The following MGAT5 variants were observed in gnomAD, a reference collection of about 807,000 sequenced individuals.
MGAT5 encodes the protein alpha-1,6-mannosylglycoprotein 6-beta-N-acetylglucosaminyltransferase A.
MGAT5 carries 30 observed loss-of-function variants against 94.3 expected under a neutral mutation model. The ratio of observed to expected loss-of-function variants is 0.32; its 90% CI spans 0.24 to 0.43. The LOEUF is 0.43. Ranked by LOEUF, MGAT5 falls within the 20% of genes least tolerant of loss-of-function variation. MGAT5 has a pLI of 1.00. For missense variants in MGAT5, 691 were observed against 905.5 expected, an observed-to-expected ratio of 0.76 and a Z score of 3.04; for synonymous variants, 310 against 322.9, an observed-to-expected ratio of 0.96 and a Z score of 0.43.
chr2:134,436,349 C>T (rs1051854823), intron 14 of MGAT5, among the ~76,000 whole-genome samples: 18 of 152,112 alleles, frequency 1.2e-4, no homozygotes, highest in African/African-American at 4.1e-4. Context: ...GAAGTTCCTG[C>T]TGCTATTTTT....
Position 134,168,023 on chromosome 2 carries a change from G to A in MGAT5, c.-143+47732G>A, listed in dbSNP as rs76457695. Reference sequence around the variant, plus strand: ...CAAAGTAGCTATCAGCAAAATAACTGTCAGGTAGCATCAGGCACCACCTGC... The same window carrying A: ...CAAAGTAGCTATCAGCAAAATAACTATCAGGTAGCATCAGGCACCACCTGC... On this transcript the variant is annotated intron_variant, in intron 1 of 16. Coordinates refer to the MGAT5 transcript ENST00000409645. 1.8e-4 allele frequency among the ~76,000 whole-genome samples: 28 copies of A among 152,300 alleles called. No individual in the cohort carries two copies. In the East Asian group the frequency reaches 5.4e-3, roughly 29 times the overall value.
intron 10 of MGAT5, among the ~76,000 whole-genome samples, chr2:134,372,008 A>G (rs1264167584): frequency 6.6e-6 from 1 of 151,692 alleles, no homozygotes; most frequent in Non-Finnish European, 1.5e-5. Flanking sequence ...CAGCATCCAC[A>G]TGCCAGGGCC....
chr2:134,317,568 C>T lies in MGAT5; in HGVS notation c.446C>T (p.Pro149Leu). ...GCTCAAGAAAAATGTGTATTGCCTC[C>T]TATGGACGGCTACCCTCACTGTGAG... ...NGAQEKCVLP[P>L]MDGYPHCEGK... is the part of the protein sequence containing the mutation. Residue 149 changes from proline (P) to leucine (L), a missense_variant, in exon 3 of 16, where the codon CCT (proline) becomes CTT (leucine). Pro to Leu is a moderately conservative substitution (Grantham distance 98). This residue lies in a region of MGAT5 where 307 missense variants were observed against 335.4 expected (regional missense o/e 0.92). Transcript: ENST00000281923. The T allele has an allele frequency of 6.4e-7, 1 of 1,570,462 alleles. No individual in the cohort carries two copies. Among genetic ancestry groups the T allele is most frequent in the Non-Finnish European group, 8.6e-7 (1 of 1,160,120 alleles).
chr2:134,266,745 C>CTG (rs1683741712), intron 1 of MGAT5, among the ~76,000 whole-genome samples: 1 of 152,188 alleles, frequency 6.6e-6, no homozygotes, highest in Non-Finnish European at 1.5e-5. Flanking sequence ...GGCGTCATCT[C>CTG]TGTCATTGTG....
At chr2:134,178,124 GGAGT>G (rs1688566360) in intron 1 of MGAT5, among the ~76,000 whole-genome samples, 1 of 151,944 alleles carries the variant, frequency 6.6e-6, no homozygotes, top group African/African-American at 2.4e-5. Context: ...TGAGATTTTG[GGAGT>G]GAGTTTGGGA....
intron 1 of MGAT5, among the ~76,000 whole-genome samples, chr2:134,145,214 C>CTGTGTGTGTG (rs59065013): frequency 8.4e-4 from 121 of 143,854 alleles, no homozygotes; most frequent in African/African-American, 2.9e-3. Flanking sequence ...GTCTCTCTCT[C>CTGTGTGTGTG]TGTGTGTGTG....
chr2:134,138,912 G>A (rs1273318776), intron 1 of MGAT5, among the ~76,000 whole-genome samples: 1 of 152,166 alleles, frequency 6.6e-6, no homozygotes, highest in African/African-American at 2.4e-5. Flanking sequence ...TACTGATAAG[G>A]TACAGATTGG....
intron 2 of MGAT5, among the ~76,000 whole-genome samples, chr2:134,283,874 C>A (rs1278648649): frequency 1.3e-5 from 2 of 151,762 alleles, no homozygotes; most frequent in South Asian, 4.2e-4. Context: ...CTGCACTAGG[C>A]TCTCTGAGAA....
At chr2:134,378,383 C>G (rs1044814658) in intron 10 of MGAT5, among the ~76,000 whole-genome samples, 12 of 152,112 alleles carry the variant, frequency 7.9e-5, no homozygotes, top group African/African-American at 2.7e-4. Context: ...TTTACCTTCC[C>G]CAGGGTCAGA....
At chr2:134,123,225 G>A (rs1685697299) in intron 1 of MGAT5, among the ~76,000 whole-genome samples, 1 of 152,126 alleles carries the variant, frequency 6.6e-6, no homozygotes, top group Non-Finnish European at 1.5e-5. Flanking sequence ...CTAGCTGACG[G>A]GGAGGCCTTT....
At position 134,448,906 on chromosome 2, in the gene MGAT5, C is replaced by A. The variant is rs973497935; in HGVS notation, c.*59C>A. 3.8e-5 allele frequency: 58 copies of A among 1,518,198 alleles called. No individual in the cohort carries two copies. Among genetic ancestry groups the A allele is most frequent in the Middle Eastern group, 2.3e-4 (1 of 4,332 alleles). The allele number at this position is 1,518,198 out of a possible 1,614,324, so 94.0% of individuals were successfully genotyped here. On this transcript the variant is annotated 3_prime_UTR_variant, in exon 16 of 16. Transcript: ENST00000281923. ...GGGAAGACAGTGGCCCCAGCCCCGT[C>A]AGGCAGGGCCAGGGACAGAAGTCAT...
chr2:134,330,916 A>G (rs1687930777), intron 4 of MGAT5, among the ~76,000 whole-genome samples: 1 of 152,176 alleles, frequency 6.6e-6, no homozygotes, highest in Admixed American at 6.5e-5. Flanking sequence ...AGAATAGAAC[A>G]TTACTACTAA....
chr2:134,269,949 T>A (rs950342453), intron 1 of MGAT5, among the ~76,000 whole-genome samples: 4 of 152,240 alleles, frequency 2.6e-5, no homozygotes, highest in Non-Finnish European at 4.4e-5. Flanking sequence ...AAACACTTTT[T>A]AAAAAACTGG....
chr2:134,291,904 A>G (rs979969261), intron 2 of MGAT5, among the ~76,000 whole-genome samples: 1 of 152,124 alleles, frequency 6.6e-6, no homozygotes, highest in African/African-American at 2.4e-5. Flanking sequence ...CTCCCTTTAT[A>G]TCGGCAGTCA....
chr2:134,448,634 T>A lies in MGAT5; in HGVS notation c.2028-15T>A, dbSNP rs1685929891. On this transcript the variant is annotated splice_polypyrimidine_tract_variant and intron_variant, in intron 15 of 15. Coordinates refer to ENST00000281923, the MANE Select transcript of MGAT5 (RefSeq NM_002410.5). ...CCTTCATCACCAACACTTGTGCCTTTCTCTTCCTCTTCAGGTACAAGGTGA... is the reference window on the plus strand; with the variant it reads ...CCTTCATCACCAACACTTGTGCCTTACTCTTCCTCTTCAGGTACAAGGTGA... 6.2e-7 allele frequency: 1 copy of A among 1,613,678 alleles called. No individual in the cohort carries two copies. Among genetic ancestry groups the A allele is most frequent in the African/African-American group, 1.3e-5 (1 of 75,048 alleles).
chr2:134,371,412 C>T (rs1680791259), intron 10 of MGAT5, among the ~76,000 whole-genome samples: 1 of 152,116 alleles, frequency 6.6e-6, no homozygotes, highest in Admixed American at 6.5e-5. Flanking sequence ...AACCAAGGCC[C>T]CTTTGTCAGC....
intron 15 of MGAT5, among the ~76,000 whole-genome samples, chr2:134,447,931 C>G (rs927499661): frequency 6.6e-6 from 1 of 152,224 alleles, no homozygotes; most frequent in Non-Finnish European, 1.5e-5. Flanking sequence ...TCACCTTCCT[C>G]TAACTGGGGT....
At chr2:134,380,636 T>C (rs1008012628) in intron 10 of MGAT5, among the ~76,000 whole-genome samples, 22 of 152,204 alleles carry the variant, frequency 1.4e-4, no homozygotes, top group African/African-American at 4.8e-4. Flanking sequence ...ACTGATACCA[T>C]GTTGGAATGG....
chr2:134,437,573 C>T (rs1685228621), intron 14 of MGAT5, among the ~76,000 whole-genome samples: 1 of 152,188 alleles, frequency 6.6e-6, no homozygotes, highest in Non-Finnish European at 1.5e-5. Flanking sequence ...CACTTGGCTT[C>T]TTCTGATGTA....
Sources: gnomAD v4.1 joint callset for allele counts (sites outside exome capture counted in the v4.1 genomes callset) on GRCh38, gnomAD v4.1.1 for gene constraint, gnomAD v4.1.1 regional missense constraint, MANE v1.5 for transcripts, NCBI Gene and HGNC (gene_info 2026-07-23, HGNC 2026-07-21) for gene names.